CACNA2D1: variants seen among roughly 807,000 people sequenced by gnomAD.
The protein encoded by CACNA2D1 is voltage-dependent calcium channel subunit alpha-2/delta-1.
CACNA2D1 carries 53 observed loss-of-function variants against 171.5 expected under a neutral mutation model. The observed-to-expected ratio is 0.31, with a 90% CI of 0.25 to 0.39. The LOEUF (loss-of-function observed/expected upper bound fraction) is 0.39, where lower values mean the gene tolerates loss of function less well. Among genes scored for constraint, CACNA2D1 ranks in the 10% least tolerant of loss-of-function variants. CACNA2D1 has a pLI of 1.00. For synonymous variants in CACNA2D1, 442 were observed against 443.1 expected, an observed-to-expected ratio of 1.00 and a Z score of 0.03; for missense variants, 903 against 1,299.8, an observed-to-expected ratio of 0.69 and a Z score of 4.69.
At chr7:82,022,558 A>G (rs1481520474) in intron 12 of CACNA2D1, among the ~76,000 whole-genome samples, 1 of 151,894 alleles carries the variant, frequency 6.6e-6, no homozygotes, top group Non-Finnish European at 1.5e-5. Flanking sequence ...GAAGCCAAGC[A>G]GAGACATTAG....
chr7:82,321,722 A>T (rs1815918597), intron 3 of CACNA2D1, among the ~76,000 whole-genome samples: 1 of 152,188 alleles, frequency 6.6e-6, no homozygotes. Context: ...ATACAAAATG[A>T]GATATTCTTC....
intron 3 of CACNA2D1, among the ~76,000 whole-genome samples, chr7:82,329,928 T>C (rs1232818713): frequency 2.6e-5 from 4 of 152,092 alleles, no homozygotes; most frequent in Non-Finnish European, 5.9e-5. Context: ...GATAAGAACA[T>C]TGGTCTTCTG....
intron 1 of CACNA2D1, among the ~76,000 whole-genome samples, chr7:82,418,172 G>A (rs1213275886): frequency 6.6e-6 from 1 of 152,150 alleles, no homozygotes; most frequent in African/African-American, 2.4e-5. Context: ...TGAGTGCCCA[G>A]CAAAGGAGGA....
chr7:82,231,080 G>C (rs1339210845), intron 3 of CACNA2D1, among the ~76,000 whole-genome samples: 1 of 152,208 alleles, frequency 6.6e-6, no homozygotes, highest in African/African-American at 2.4e-5. Flanking sequence ...TATGACACTT[G>C]ATAAAATTCA....
At chr7:82,416,246 T>C in intron 1 of CACNA2D1, among the ~76,000 whole-genome samples, 1 of 151,836 alleles carries the variant, frequency 6.6e-6, no homozygotes, top group East Asian at 1.9e-4. Context: ...TAATAAAGAA[T>C]TTAAAAATCT....
At chr7:82,085,278 C>T (rs1394428070) in intron 6 of CACNA2D1, among the ~76,000 whole-genome samples, 1 of 152,108 alleles carries the variant, frequency 6.6e-6, no homozygotes, top group African/African-American at 2.4e-5. Flanking sequence ...TACCTCCCCA[C>T]CCCCAAGTTG....
At chr7:81,965,949 C>T (rs1039348118) in intron 31 of CACNA2D1, among the ~76,000 whole-genome samples, 3 of 151,326 alleles carry the variant, frequency 2.0e-5, no homozygotes, top group African/African-American at 4.9e-5. Context: ...TTACCATTTC[C>T]GGGTCATCTA....
chr7:82,116,072 T>C (rs1028647037), intron 6 of CACNA2D1, among the ~76,000 whole-genome samples: 4 of 152,176 alleles, frequency 2.6e-5, no homozygotes, highest in Non-Finnish European at 5.9e-5. Context: ...CCAAATACAC[T>C]CTACCGCGTC....
At chr7:81,974,591 C>CAGGTCATTGCAGTAATCTCTG in intron 24 of CACNA2D1, 39 bp from the exon 25 acceptor site, 2 of 1,041,146 alleles carry the variant, frequency 1.9e-6, no homozygotes, top group Non-Finnish European at 2.9e-6. Flanking sequence ...ATATTAAAAT[C>CAGGTCATTGCAGTAATCTCTG]AAAACTTTAC....
chr7:82,092,373 G>T (rs1811273833), intron 6 of CACNA2D1, among the ~76,000 whole-genome samples: 1 of 151,566 alleles, frequency 6.6e-6, no homozygotes, highest in African/African-American at 2.4e-5. Context: ...GTACTTCACA[G>T]TCATTTTTTT....
chr7:82,375,196 A>ACATACACAC (rs1286626043), intron 1 of CACNA2D1, among the ~76,000 whole-genome samples: 2 of 152,110 alleles, frequency 1.3e-5, no homozygotes, highest in Non-Finnish European at 2.9e-5. Flanking sequence ...GCCCCCACCA[A>ACATACACAC]CATACACACG....
At chr7:82,005,312 G>A in intron 18 of CACNA2D1, 111 bp downstream of exon 18, 1 of 735,518 alleles carries the variant, frequency 1.4e-6, no homozygotes, top group East Asian at 2.7e-5. Flanking sequence ...ATTAGAGACT[G>A]TACTTTGATA....
At chr7:82,170,327 G>T (rs1563150952) in intron 4 of CACNA2D1, among the ~76,000 whole-genome samples, 4 of 148,728 alleles carry the variant, frequency 2.7e-5, no homozygotes, top group South Asian at 4.2e-4. Context: ...GGGTTTTTTG[G>T]TTTTTGTTTT....
At chr7:82,049,139 A>AAG (rs1368918468) in intron 10 of CACNA2D1, among the ~76,000 whole-genome samples, 7 of 151,110 alleles carry the variant, frequency 4.6e-5, no homozygotes, top group South Asian at 2.1e-4. Context: ...AAAAAAAAAA[A>AAG]AAAGAAAAAT....
chr7:82,217,614 TC>T (rs1398417827), intron 3 of CACNA2D1, among the ~76,000 whole-genome samples: 2 of 144,150 alleles, frequency 1.4e-5, no homozygotes, highest in African/African-American at 5.3e-5. Context: ...TGAAGATCTA[TC>T]AACATTCATG....
At chr7:82,239,383 T>C (rs1803983291) in intron 3 of CACNA2D1, among the ~76,000 whole-genome samples, 1 of 151,836 alleles carries the variant, frequency 6.6e-6, no homozygotes, top group South Asian at 2.1e-4. Flanking sequence ...ACAATCATGA[T>C]TTGACAATAC....
chr7:82,152,613 A>G (rs1170103399), intron 4 of CACNA2D1, among the ~76,000 whole-genome samples: 4 of 152,046 alleles, frequency 2.6e-5, no homozygotes, highest in Non-Finnish European at 5.9e-5. Flanking sequence ...ATAAATTTTA[A>G]AATTCAATAT....
chr7:82,379,265 G>A (rs987555295), intron 1 of CACNA2D1, among the ~76,000 whole-genome samples: 3 of 151,958 alleles, frequency 2.0e-5, no homozygotes, highest in South Asian at 2.1e-4. Flanking sequence ...ACTGACTGAC[G>A]AATTTCAAAG....
intron 5 of CACNA2D1, among the ~76,000 whole-genome samples, chr7:82,131,300 A>C (rs1343492549): frequency 2.0e-5 from 3 of 152,168 alleles, no homozygotes; most frequent in Non-Finnish European, 2.9e-5. Flanking sequence ...GATTATGTCC[A>C]CAGAAGGCAA....
Sources: gnomAD v4.1 joint callset for allele counts (sites outside exome capture counted in the v4.1 genomes callset) on GRCh38, gnomAD v4.1.1 for gene constraint, MANE v1.5 for transcripts, NCBI Gene and HGNC (gene_info 2026-07-23, HGNC 2026-07-21) for gene names.